Variants in MTFR1L observed in about 807,000 individuals in gnomAD.
The protein encoded by MTFR1L is mitochondrial fission regulator 1 like, also known as mitochondrial fission regulator 1-like.
A neutral mutation model predicts 27.9 loss-of-function variants in MTFR1L; 10 were observed. The ratio of observed to expected loss-of-function variants is 0.36; its 90% CI spans 0.22 to 0.61. The LOEUF (loss-of-function observed/expected upper bound fraction) is 0.61, where lower values mean the gene tolerates loss of function less well. Among genes scored for constraint, MTFR1L ranks in the 20% least tolerant of loss-of-function variants. MTFR1L has a pLI of 0.73. For missense variants in MTFR1L, 315 were observed against 363.7 expected, an observed-to-expected ratio of 0.87 and a Z score of 1.09; for synonymous variants, 151 against 139.4, an observed-to-expected ratio of 1.08 and a Z score of -0.58.
intron 1 of MTFR1L, chr1:25,820,973 G>A (rs556682593): frequency 6.7e-6 from 2 of 296,448 alleles, no homozygotes; most frequent in South Asian, 2.8e-5. Flanking sequence ...CTCGGCGAAG[G>A]GGGTGCTGGT....
chr1:25,829,735 A>G lies in MTFR1L; in HGVS notation c.678A>G (p.Glu226=), dbSNP rs1482223253. Residue 226 remains glutamate (E), a synonymous_variant, in exon 6 of 7, where the codon GAA becomes GAG. Coordinates refer to ENST00000374303, the MANE Select transcript of MTFR1L (RefSeq NM_001099625.2). ...ACAAAGCTGCCTGCAGTTCGTCTGA[A>G]GAGGATGACTGCGTCTCTTTGTCCA... ...PEHKAACSSS[E]EDDCVSLSKA... The G allele has an allele frequency of 1.2e-6, 2 of 1,613,832 alleles. No homozygotes were observed. Among genetic ancestry groups the G allele is most frequent in the Non-Finnish European group, 1.7e-6 (2 of 1,180,036 alleles).
In MTFR1L at chr1:25,824,586, A is replaced by G. The variant is rs983845890; in HGVS notation, c.129+838A>G. On this transcript the variant is annotated intron_variant, in intron 3 of 6. Coordinates refer to ENST00000374303, the MANE Select transcript of MTFR1L (RefSeq NM_001099625.2). Reference sequence around the variant, plus strand: ...ATCTGTATAAAAGATGCTAAGAAGCAGAGTCTGTAGGAACTGGATCTGGAA... The same window carrying G: ...ATCTGTATAAAAGATGCTAAGAAGCGGAGTCTGTAGGAACTGGATCTGGAA... 5.3e-5 allele frequency among the ~76,000 whole-genome samples: 8 copies of G among 152,234 alleles called. No homozygotes were observed. The East Asian group carries it at 7.7e-4, about 15-fold the overall frequency.
chr1:25,824,308 G>C (rs918362862), intron 3 of MTFR1L, among the ~76,000 whole-genome samples: 6 of 152,216 alleles, frequency 3.9e-5, no homozygotes, highest in African/African-American at 1.2e-4. Flanking sequence ...CTCAGCAGCA[G>C]AGATTCCTAC....
intron 3 of MTFR1L, 94 bp downstream of exon 3, chr1:25,823,842 G>C (rs2048132734): frequency 7.0e-7 from 1 of 1,431,846 alleles, no homozygotes; most frequent in African/African-American, 1.4e-5. Context: ...GTTGTTTCCT[G>C]GTCACTTTTC....
At chr1:25,830,612 C>A (rs1284706511) in intron 6 of MTFR1L, among the ~76,000 whole-genome samples, 1 of 152,198 alleles carries the variant, frequency 6.6e-6, no homozygotes, top group African/African-American at 2.4e-5. Context: ...GGTTCCTGGG[C>A]ATTTGAGAGC....
chr1:25,825,242 G>C (rs185554957), intron 3 of MTFR1L, among the ~76,000 whole-genome samples: 1 of 152,026 alleles, frequency 6.6e-6, no homozygotes, highest in Non-Finnish European at 1.5e-5. Flanking sequence ...AATCTTACTT[G>C]TGTGTAAATA....
At chr1:25,827,210 TCA>T (rs1000255847) in intron 5 of MTFR1L, among the ~76,000 whole-genome samples, 7 of 151,994 alleles carry the variant, frequency 4.6e-5, no homozygotes, top group Non-Finnish European at 1.0e-4. Context: ...CGATCTTAGT[TCA>T]CTGCACTCTG....
At position 25,829,591 on chromosome 1, in the gene MTFR1L, C is replaced by G. The variant is rs764546929; in HGVS notation, c.534C>G (p.Phe178Leu). Residue 178 changes from phenylalanine (F) to leucine (L), a missense_variant, in exon 6 of 7, where the codon TTC (phenylalanine) becomes TTG (leucine). Transcript: ENST00000374303. ...CCTTACCTTGTTTTGGATCCTCATT[C>G]CACTCTACAACTTCCTTTGTCATTA... ...SSPLPCFGSSFHSTTSFVISD... is the reference protein window; with the variant it reads ...SSPLPCFGSSLHSTTSFVISD... 1.9e-5 allele frequency: 30 copies of G among 1,614,220 alleles called. 1 individual carries two copies. In the South Asian group the frequency reaches 3.2e-4, roughly 17 times the overall value.
intron 5 of MTFR1L, among the ~76,000 whole-genome samples, chr1:25,827,782 G>A (rs1371385529): frequency 2.0e-5 from 3 of 151,994 alleles, no homozygotes; most frequent in Non-Finnish European, 2.9e-5. Context: ...TTGGAGTGCG[G>A]TGGCACGATC....
In MTFR1L at chr1:25,823,115, T is replaced by C; in HGVS notation, c.11T>C (p.Met4Thr). ...CAGGAGCTGGTTCAAATGTCAGGAA[T>C]GGAAGCCACTGTGGTAAGGGGCATT... MSG[M>T]EATVTIPIWQ... The change falls in exon 2 of 7, where the codon ATG becomes ACG. Residue 4 changes from methionine to threonine, a missense_variant. Physicochemically the swap from Met to Thr is moderately conservative, Grantham distance 81. Transcript: ENST00000374303. 6.2e-7 allele frequency: 1 copy of C among 1,614,208 alleles called. No individual in the cohort carries two copies. Among genetic ancestry groups the C allele is most frequent in the Non-Finnish European group, 8.5e-7 (1 of 1,180,032 alleles).
rs115910734 is a variant in MTFR1L at position 25,821,043 on chromosome 1, A to G, written c.-87+1014A>G. 8.2e-3 allele frequency: 2,254 copies of G among 274,866 alleles called. 62 individuals are homozygous for G. Among genetic ancestry groups the G allele is most frequent in the African/African-American group, 0.051 (2,137 of 42,194 alleles). 17.0% of individuals were successfully genotyped at this position (274,866 alleles called of 1,614,324 possible). ...GGGGGTTGAGGGCCAGTGTGGCTGGAGGGCAAGGGGGAGAGCAGGAGGGCT... is the reference window on the plus strand; with the variant it reads ...GGGGGTTGAGGGCCAGTGTGGCTGGGGGGCAAGGGGGAGAGCAGGAGGGCT... On this transcript the variant is annotated intron_variant, in intron 1 of 6. Coordinates refer to ENST00000374303, the MANE Select transcript of MTFR1L (RefSeq NM_001099625.2).
At position 25,823,670 on chromosome 1, in the gene MTFR1L, A is replaced by G. The variant is rs777912511; in HGVS notation, c.51A>G (p.Pro17=). The change falls in exon 3 of 7, where the codon CCA becomes CCG. Residue 17 remains proline, a synonymous_variant. Transcript: ENST00000374303. The stretch of plus-strand genomic sequence containing the variant: ...CCATCCCAATCTGGCAAAACAAGCC[A>G]CATGGGGCTGCTCGAAGTGTAGTAA... ...TVTIPIWQNK[P]HGAARSVVRR... The G allele has an allele frequency of 6.2e-7, 1 of 1,614,080 alleles. No individual in the cohort carries two copies. The highest frequency in any genetic ancestry group is 8.5e-7 in the Non-Finnish European group (1 of 1,179,970).
At position 25,826,961 on chromosome 1, in the gene MTFR1L, A is replaced by G; in HGVS notation, c.451+135A>G. The G allele has an allele frequency of 2.1e-6, 2 of 957,364 alleles. No individual in the cohort carries two copies. Among genetic ancestry groups the G allele is most frequent in the Non-Finnish European group, 3.1e-6 (2 of 642,658 alleles). The allele number at this position is 957,364 out of a possible 1,614,324, so 59.3% of individuals were successfully genotyped here. A position where few individuals can be genotyped will look rare whatever the true frequency, so the allele number is the denominator to read the frequency against. ...GTTCCGGGCCCTGGGGTTGTCCTGA[A>G]GCCTGGCTAGCCAGTAGTGCCTCTT... On this transcript the variant is annotated intron_variant, in intron 5 of 6. Coordinates refer to ENST00000374303, the MANE Select transcript of MTFR1L (RefSeq NM_001099625.2). This position sits in a 1 kb window ranked among gnomAD's most constrained non-coding sequence, Gnocchi z 4.1.
intron 3 of MTFR1L, chr1:25,825,745 G>A (rs1394416534): frequency 6.5e-6 from 1 of 152,798 alleles, no homozygotes; most frequent in African/African-American, 2.4e-5. Context: ...AGGGCACAGT[G>A]GTTTTAGACA....
At position 25,823,182 on chromosome 1, in the gene MTFR1L, T is replaced by C. The variant is rs1301059990; in HGVS notation, c.24+54T>C. On this transcript the variant is annotated intron_variant, in intron 2 of 6. Transcript: ENST00000374303. ...GGTGGGGAAGGTTGGGTGCTGGGCCTGCTGAAGTACTGTAAAAGGTTCTGA... is the reference window on the plus strand; with the variant it reads ...GGTGGGGAAGGTTGGGTGCTGGGCCCGCTGAAGTACTGTAAAAGGTTCTGA... 4 of 1,535,064 alleles carry C rather than the reference T, an allele frequency of 2.6e-6. No homozygotes were observed. The Admixed American group carries it at 6.7e-5, about 26-fold the overall frequency.
rs1345504663 is a variant in MTFR1L, at chr1:25,826,928, G to T, written c.451+102G>T. 3 of 1,346,950 alleles carry T rather than the reference G, an allele frequency of 2.2e-6. No homozygotes were observed. The highest frequency in any genetic ancestry group is 2.9e-5 in the African/African-American group (2 of 68,904). 83.4% of individuals were successfully genotyped at this position (1,346,950 alleles called of 1,614,324 possible). The stretch of plus-strand genomic sequence containing the variant: ...GAAAGTGGTAATCCTTGGTTTGCAG[G>T]TACTTAGGTTCCGGGCCCTGGGGTT... On this transcript the variant is annotated intron_variant, in intron 5 of 6. Transcript: ENST00000374303. The surrounding 1 kb of genome is among the most constrained non-coding windows in gnomAD (Gnocchi z 4.1).
At chr1:25,831,005 CTCA>C (rs1388415738) in intron 6 of MTFR1L, among the ~76,000 whole-genome samples, 7 of 152,164 alleles carry the variant, frequency 4.6e-5, no homozygotes, top group Admixed American at 1.3e-4. Context: ...TAGGTTGACT[CTCA>C]AACTTTCTCT....
rs763842475 is a variant in MTFR1L at position 25,826,674 on chromosome 1, G to T, written c.299G>T (p.Arg100Leu). 2.5e-6 allele frequency: 4 copies of T among 1,614,202 alleles called. No homozygotes were observed. Among genetic ancestry groups the T allele is most frequent in the Non-Finnish European group, 3.4e-6 (4 of 1,180,040 alleles). The change falls in exon 5 of 7, where the codon CGC becomes CTC. Residue 100 changes from arginine to leucine, a missense_variant. By Grantham distance (102) the Arg-to-Leu change is moderately radical. Coordinates refer to ENST00000374303, the MANE Select transcript of MTFR1L (RefSeq NM_001099625.2). The surrounding 1 kb of genome is among the most constrained non-coding windows in gnomAD (Gnocchi z 4.1). ...CCCAGCCCTCTGATTGTCATGCAGC[G>T]CAATGCCTCTGTTCCCAACCTGCGT... Reference protein sequence around the residue: ...WKPSPLIVMQRNASVPNLRGS... With the variant: ...WKPSPLIVMQLNASVPNLRGS...
Position 25,831,946 on chromosome 1 carries a change from G to C in MTFR1L, c.799G>C (p.Asp267His), listed in dbSNP as rs1279870177. 3 of 1,614,090 alleles carry C rather than the reference G, an allele frequency of 1.9e-6. No homozygotes were observed. Among genetic ancestry groups the C allele is most frequent in the Non-Finnish European group, 2.5e-6 (3 of 1,180,034 alleles). ...DLNRSLLKEEDPAVLISEVLR... is the reference protein window; with the variant it reads ...DLNRSLLKEEHPAVLISEVLR... ...GAACCGGAGTTTATTGAAGGAGGAA[G>C]ACCCTGCTGTGCTTATCTCTGAGGT... Residue 267 changes from aspartate (D) to histidine (H), a missense_variant, in exon 7 of 7, where the codon GAC (aspartate) becomes CAC (histidine). Coordinates refer to ENST00000374303, the MANE Select transcript of MTFR1L (RefSeq NM_001099625.2).
Sources: allele counts gnomAD v4.1 joint callset (sites outside exome capture counted in the v4.1 genomes callset), GRCh38; gene constraint gnomAD v4.1.1; non-coding constraint Gnocchi (gnomAD v3.1); transcripts MANE v1.5; gene names NCBI Gene and HGNC (gene_info 2026-07-23, HGNC 2026-07-21).